The following CEP192 variants were observed in gnomAD, a reference collection of about 807,000 sequenced individuals.
CEP192 encodes centrosomal protein of 192 kDa.
CEP192 carries 151 observed loss-of-function variants against 271.8 expected under a neutral mutation model. That is an observed-to-expected ratio of 0.56 (90% CI 0.49 to 0.64). CEP192 has a LOEUF of 0.64. CEP192 is among the 30% of genes least tolerant of loss of function. CEP192 has a pLI of 0.00. For synonymous variants in CEP192, 995 were observed against 1,076.5 expected (o/e 0.92, Z 1.48); for missense variants, 2,910 against 3,020.5 (o/e 0.96, Z 0.86).
At chr18:13,030,811 G>A (rs1446112144) in intron 11 of CEP192, among the ~76,000 whole-genome samples, 5 of 152,152 alleles carry the variant, frequency 3.3e-5, no homozygotes, top group Admixed American at 2.0e-4. Flanking sequence ...ATTTCCTTAA[G>A]CAAAGCCAAT....
intron 2 of CEP192, 100 bp from the exon 3 acceptor site, chr18:13,001,357 C>A: frequency 1.4e-6 from 1 of 732,650 alleles, no homozygotes; most frequent in Non-Finnish European, 2.2e-6. Flanking sequence ...TTGTTTTTAC[C>A]CCGGTGGTTG....
intron 1 of CEP192, among the ~76,000 whole-genome samples, chr18:12,997,111 G>T (rs572966773): frequency 2.6e-4 from 40 of 152,274 alleles, no homozygotes; most frequent in African/African-American, 9.6e-4. Context: ...ATGGAAGGGG[G>T]CCGATTGGTA....
chr18:13,107,310 AT>A (rs2039999871), intron 40 of CEP192, among the ~76,000 whole-genome samples: 1 of 152,232 alleles, frequency 6.6e-6, no homozygotes, highest in Non-Finnish European at 1.5e-5. Context: ...AGGCTGAGCA[AT>A]ACAGTGAGAC....
At chr18:13,105,971 A>G (rs549649401) in intron 40 of CEP192, among the ~76,000 whole-genome samples, 1 of 152,296 alleles carries the variant, frequency 6.6e-6, no homozygotes, top group East Asian at 1.9e-4. Context: ...GTCCCAATCA[A>G]AACCCCAGCT....
chr18:13,017,583 G>A (rs1417070874), intron 7 of CEP192, among the ~76,000 whole-genome samples: 2 of 152,102 alleles, frequency 1.3e-5, no homozygotes, highest in Non-Finnish European at 2.9e-5. Flanking sequence ...TTAACCAATT[G>A]CTAAAGTTTG....
At position 12,999,513 on chromosome 18, in the gene CEP192, TCA is replaced by T; in HGVS notation, c.91_92del (p.Thr31SerfsTer16). ...GGTAACAGTGGGATTTTGGAAAATG[TCA>T]CTCTTTCTTCAAATCTTGGCTTGCC... On this transcript the variant is annotated frameshift_variant, in exon 2 of 45. Transcript: ENST00000506447. LOFTEE classifies it high-confidence loss of function. The T allele has an allele frequency of 6.4e-7, 1 of 1,550,992 alleles. No individual in the cohort carries two copies. The highest frequency in any genetic ancestry group is 8.7e-7 in the Non-Finnish European group (1 of 1,146,638).
intron 30 of CEP192, among the ~76,000 whole-genome samples, chr18:13,077,656 G>A (rs2038362723): frequency 6.6e-6 from 1 of 152,148 alleles, no homozygotes; most frequent in African/African-American, 2.4e-5. Flanking sequence ...TTCCTCCGTT[G>A]ACAATGTGTC....
chr18:13,010,208 T>C (rs1203798355), intron 4 of CEP192, among the ~76,000 whole-genome samples: 1 of 152,210 alleles, frequency 6.6e-6, no homozygotes, highest in Admixed American at 6.5e-5. Context: ...TTCTGCTGTC[T>C]GATTCCTCTT....
At chr18:13,024,345 C>A (rs766126886) in intron 9 of CEP192, 1 of 456,196 alleles carries the variant, frequency 2.2e-6, no homozygotes, top group South Asian at 1.5e-5. Context: ...AATGGTATAT[C>A]TTTCTCCATC....
chr18:13,091,601 T>C (rs904586401), intron 33 of CEP192, among the ~76,000 whole-genome samples: 21 of 152,236 alleles, frequency 1.4e-4, no homozygotes, highest in Admixed American at 1.0e-3. Context: ...ATTTTTGTAG[T>C]TGATTTAAAC....
chr18:13,110,247 A>G (rs1170579301), intron 40 of CEP192, among the ~76,000 whole-genome samples: 2 of 152,232 alleles, frequency 1.3e-5, no homozygotes, highest in South Asian at 4.1e-4. Flanking sequence ...TTATATAGAT[A>G]TACAAGAGAC....
intron 9 of CEP192, among the ~76,000 whole-genome samples, chr18:13,028,366 T>C (rs2035423886): frequency 6.6e-6 from 1 of 152,206 alleles, no homozygotes; most frequent in Non-Finnish European, 1.5e-5. Flanking sequence ...TGGATATATC[T>C]TTTTGAGGGG....
At chr18:13,037,736 G>A (rs1020092841) in intron 12 of CEP192, among the ~76,000 whole-genome samples, 2 of 151,914 alleles carry the variant, frequency 1.3e-5, no homozygotes, top group Admixed American at 6.6e-5. Context: ...TTTATTTTTT[G>A]TAGTGATGGA....
At chr18:12,995,233 T>G (rs948669403) in intron 1 of CEP192, among the ~76,000 whole-genome samples, 5 of 151,860 alleles carry the variant, frequency 3.3e-5, no homozygotes, top group African/African-American at 1.2e-4. Flanking sequence ...GGCTAATTTT[T>G]TTTTTGTATT....
chr18:13,124,527 T>C, intron 44 of CEP192, 105 bp from the exon 45 acceptor site: 1 of 1,069,450 alleles, frequency 9.4e-7, no homozygotes, highest in Non-Finnish European at 1.3e-6. Flanking sequence ...GAATGTGGCT[T>C]GACCGAGCTC....
At chr18:13,020,367 G>A (rs931315277) in intron 9 of CEP192, among the ~76,000 whole-genome samples, 4 of 152,098 alleles carry the variant, frequency 2.6e-5, no homozygotes, top group Non-Finnish European at 5.9e-5. Flanking sequence ...TTTATTAAGC[G>A]TGATGTTTTC....
At position 13,118,905 on chromosome 18, in the gene CEP192, G is replaced by A. The variant is rs1003193982; in HGVS notation, c.7475+1262G>A. Reference sequence around the variant, plus strand: ...TTGATAGAACCTCATTTTATTATCAGTGTGTCTTCATTTAATCCCTATGAC... The same window carrying A: ...TTGATAGAACCTCATTTTATTATCAATGTGTCTTCATTTAATCCCTATGAC... On this transcript the variant is annotated intron_variant, in intron 44 of 44. Transcript: ENST00000506447. Among the ~76,000 whole-genome samples, 4 of 152,266 alleles carry A rather than the reference G, an allele frequency of 2.6e-5. No individual in the cohort carries two copies. The East Asian group carries it at 5.8e-4, about 22-fold the overall frequency.
chr18:13,020,430 G>A (rs575182745), intron 9 of CEP192, among the ~76,000 whole-genome samples: 1 of 152,194 alleles, frequency 6.6e-6, no homozygotes, highest in Admixed American at 6.5e-5. Flanking sequence ...TCTTATGGCC[G>A]AATAATGTTC....
At position 13,069,468 on chromosome 18, in the gene CEP192, C is replaced by T. The variant is rs114726239; in HGVS notation, c.5056-270C>T. Among the ~76,000 whole-genome samples, 281 of 152,176 alleles carry T rather than the reference C, an allele frequency of 1.8e-3. 2 individuals are homozygous for T. Among genetic ancestry groups the T allele is most frequent in the African/African-American group, 6.2e-3 (256 of 41,504 alleles). On this transcript the variant is annotated intron_variant, in intron 26 of 44. Transcript: ENST00000506447. ...TGGTTAGAGTTGGTGAAGAATGATC[C>T]GCACACGTTGACATCATTTCTGAGA...
Sources: gnomAD v4.1 joint callset for allele counts (sites outside exome capture counted in the v4.1 genomes callset) on GRCh38, gnomAD v4.1.1 for gene constraint, MANE v1.5 for transcripts, NCBI Gene and HGNC (gene_info 2026-07-23, HGNC 2026-07-21) for gene names.